The following BUB1B variants were observed in gnomAD, a reference collection of about 807,000 sequenced individuals.
The protein encoded by BUB1B is BUB1 mitotic checkpoint serine/threonine kinase B.
In BUB1B, 86 loss-of-function variants were observed where a neutral mutation model predicts 137.7. The observed-to-expected ratio is 0.62, with a 90% CI of 0.52 to 0.75. The LOEUF (loss-of-function observed/expected upper bound fraction) is 0.75, where lower values mean the gene tolerates loss of function less well. Among genes scored for constraint, BUB1B ranks in the 30% least tolerant of loss-of-function variants. The pLI, the probability that BUB1B is intolerant of heterozygous loss-of-function variation, is 0.00. For missense variants in BUB1B, 1,130 were observed against 1,236.9 expected, an observed-to-expected ratio of 0.91 and a Z score of 1.30; for synonymous variants, 420 against 417.9, an observed-to-expected ratio of 1.00 and a Z score of -0.06.
At chr15:40,170,804 C>A in intron 4 of BUB1B, 123 bp downstream of exon 4, 1 of 952,676 alleles carries the variant, frequency 1.0e-6, no homozygotes, top group Non-Finnish European at 1.6e-6. Flanking sequence ...AGATTGGAAA[C>A]ATTTAATAAA....
chr15:40,213,433 C>T lies in BUB1B; in HGVS notation c.2637C>T (p.Val879=). The T allele has an allele frequency of 1.9e-6, 3 of 1,614,150 alleles. No homozygotes were observed. The highest frequency in any genetic ancestry group is 2.5e-6 in the Non-Finnish European group (3 of 1,180,008). Residue 879 remains valine, a synonymous_variant, in exon 20 of 23, where the codon GTC becomes GTT. Coordinates refer to ENST00000287598, the MANE Select transcript of BUB1B (RefSeq NM_001211.6). ...IVEMLHKAEI[V]HGDLSPRCLI... is the part of the protein sequence containing the mutation. ...AGATGCTACACAAAGCAGAAATAGT[C>T]CATGGTGACTTGAGTCCAAGGTGTC...
intron 18 of BUB1B, 79 bp from the exon 19 acceptor site, chr15:40,212,420 C>T (rs1000365175): frequency 5.2e-5 from 56 of 1,078,908 alleles, no homozygotes; most frequent in Non-Finnish European, 2.6e-5. Flanking sequence ...ATCAGAAGGG[C>T]TGGAAGGAAT....
At position 40,196,367 on chromosome 15, in the gene BUB1B, A is replaced by G. The variant is rs12102172; in HGVS notation, c.1059-178A>G. Among the ~76,000 whole-genome samples the G allele has an allele frequency of 0.081, 12,319 of 152,140 alleles. 1,640 individuals are homozygous for G. The highest frequency in any genetic ancestry group is 0.28 in the African/African-American group (11,654 of 41,446). On this transcript the variant is annotated intron_variant, in intron 8 of 22. Coordinates refer to ENST00000287598, the MANE Select transcript of BUB1B (RefSeq NM_001211.6). The stretch of plus-strand genomic sequence containing the variant: ...ATATGCCTGTTTTTATACCAGTATT[A>G]TGCTGTTTTGGTGACTATGGCCTTA...
chr15:40,194,740 C>T (rs1289877590), intron 8 of BUB1B, among the ~76,000 whole-genome samples: 1 of 152,136 alleles, frequency 6.6e-6, no homozygotes, highest in African/African-American at 2.4e-5. Context: ...CAGCTGAGCA[C>T]CTTGGACTTA....
At chr15:40,212,782 G>T in intron 19 of BUB1B, 134 bp downstream of exon 19, 1 of 866,808 alleles carries the variant, frequency 1.2e-6, no homozygotes, top group Non-Finnish European at 1.8e-6. Context: ...TAGAAGCATT[G>T]ATAATTTTCT....
At chr15:40,206,130 AG>A in intron 14 of BUB1B, 53 bp from the exon 15 acceptor site, 1 of 1,586,438 alleles carries the variant, frequency 6.3e-7, no homozygotes, top group East Asian at 2.2e-5. Flanking sequence ...TCAGTAAAAA[AG>A]TTCTTCATGT....
intron 8 of BUB1B, among the ~76,000 whole-genome samples, chr15:40,188,333 A>G (rs778702211): frequency 2.0e-4 from 30 of 152,004 alleles, no homozygotes; most frequent in South Asian, 8.3e-4. Flanking sequence ...ATGAGCCACC[A>G]TGCCCGACCT....
chr15:40,209,501 A>G, intron 16 of BUB1B, 134 bp from the exon 17 acceptor site: 1 of 1,009,056 alleles, frequency 9.9e-7, no homozygotes, highest in South Asian at 1.3e-5. Context: ...CACCTGAGAC[A>G]GGTGAGTGTA....
intron 5 of BUB1B, among the ~76,000 whole-genome samples, chr15:40,180,773 CCG>C (rs1240629800): frequency 6.6e-6 from 1 of 151,352 alleles, no homozygotes; most frequent in East Asian, 1.9e-4. Flanking sequence ...CCTCAGCCTC[CCG>C]AGTAGCTGGG....
In BUB1B at chr15:40,161,207, G is replaced by T; in HGVS notation, c.-14G>T. 6.2e-7 allele frequency: 1 copy of T among 1,613,304 alleles called. No individual in the cohort carries two copies. Among genetic ancestry groups the T allele is most frequent in the Non-Finnish European group, 8.5e-7 (1 of 1,179,622 alleles). On this transcript the variant is annotated 5_prime_UTR_variant, in exon 1 of 23. Transcript: ENST00000287598. ...GGCCTGCAGCAGGACGAGGACCTGA[G>T]CCAGGAATGCAGGATGGCGGCGGTG...
rs548665845 is a variant in BUB1B, at chr15:40,186,725, G to A, written c.1058+1083G>A. Among the ~76,000 whole-genome samples, 76 of 151,480 alleles carry A rather than the reference G, an allele frequency of 5.0e-4. No homozygotes were observed. In the East Asian group the frequency reaches 0.013, roughly 25 times the overall value. On this transcript the variant is annotated intron_variant, in intron 8 of 22. Transcript: ENST00000287598. The stretch of plus-strand genomic sequence containing the variant: ...CTCCCAAAGTGCTGGAATTACAGGC[G>A]TGAGCCACTGCGCCCAGCCCTAGTC...
intron 10 of BUB1B, 90 bp downstream of exon 10, chr15:40,199,817 C>T: frequency 5.9e-6 from 6 of 1,024,540 alleles, no homozygotes; most frequent in Non-Finnish European, 7.4e-6. Flanking sequence ...TCCTCCCAAC[C>T]CCCATTTAGA....
At chr15:40,206,485 AACCAGATTGTTTACTCTCT>A in intron 15 of BUB1B, 27 bp downstream of exon 15, 1 of 1,613,790 alleles carries the variant, frequency 6.2e-7, no homozygotes, top group Non-Finnish European at 8.5e-7. Flanking sequence ...AGGTTTTACA[AACCAGATTGTTTACTCTCT>A]TATTCTGCAT....
rs773801578 is a variant in BUB1B, at chr15:40,188,582, CT to C, written c.1058+2957del. 7.3e-3 allele frequency among the ~76,000 whole-genome samples: 891 copies of C among 121,704 alleles called. 2 individuals are homozygous for C. Among genetic ancestry groups the C allele is most frequent in the African/African-American group, 0.018 (588 of 32,288 alleles). 79.8% of individuals were successfully genotyped at this position (121,704 alleles called of 152,430 possible). A position where few individuals can be genotyped will look rare whatever the true frequency, so the allele number is the denominator to read the frequency against. On this transcript the variant is annotated intron_variant, in intron 8 of 22. Coordinates refer to ENST00000287598, the MANE Select transcript of BUB1B (RefSeq NM_001211.6). ...TATCATACAGTCAAATTTAAGTTTT[CT>C]TTTTTTTTTTTTTTTTCGAGACAGA...
chr15:40,174,489 A>AAT (rs1220616780), intron 4 of BUB1B, among the ~76,000 whole-genome samples: 15 of 152,374 alleles, frequency 9.8e-5, no homozygotes, highest in African/African-American at 3.6e-4. Context: ...GTTTATCTGA[A>AAT]AGACAAATAT....
chr15:40,216,561 ATATATATATATTTT>A (rs1426524799), intron 20 of BUB1B, among the ~76,000 whole-genome samples: 33 of 81,358 alleles, frequency 4.1e-4, no homozygotes, highest in African/African-American at 1.6e-3. Flanking sequence ...ATATATATAT[ATATATATATATTTT>A]TTTTTTTTTT....
At chr15:40,216,563 ATATATATATTT>A (rs2037788986) in intron 20 of BUB1B, among the ~76,000 whole-genome samples, 1 of 91,944 alleles carries the variant, frequency 1.1e-5, no homozygotes, top group African/African-American at 3.6e-5. Flanking sequence ...ATATATATAT[ATATATATATTT>A]TTTTTTTTTT....
chr15:40,171,231 C>G (rs1183984994), intron 4 of BUB1B, among the ~76,000 whole-genome samples: 1 of 152,216 alleles, frequency 6.6e-6, no homozygotes, highest in Non-Finnish European at 1.5e-5. Context: ...GCCAACACCC[C>G]TAGTCCGGAT....
Position 40,213,228 on chromosome 15 carries a change from T to C in BUB1B, c.2536-104T>C, listed in dbSNP as rs34358001. The C allele has an allele frequency of 0.65, 839,562 of 1,284,030 alleles. 283,371 individuals are homozygous for C. Among genetic ancestry groups the C allele is most frequent in the Non-Finnish European group, 0.71 (636,309 of 899,308 alleles). The allele number at this position is 1,284,030 out of a possible 1,614,324, so 79.5% of individuals were successfully genotyped here. The stretch of plus-strand genomic sequence containing the variant: ...GTCTACAGAGGTGCCTACGTTCCAG[T>C]AGAGAACAAGGAAGACTACAAACCA... On this transcript the variant is annotated intron_variant, in intron 19 of 22. Coordinates refer to ENST00000287598, the MANE Select transcript of BUB1B (RefSeq NM_001211.6).
Sources: gnomAD v4.1 joint callset for allele counts (sites outside exome capture counted in the v4.1 genomes callset) on GRCh38, gnomAD v4.1.1 for gene constraint, MANE v1.5 for transcripts, NCBI Gene and HGNC (gene_info 2026-07-23, HGNC 2026-07-21) for gene names.